The following DLC1 variants were observed in gnomAD, a reference collection of about 807,000 sequenced individuals.
The protein encoded by DLC1 is rho GTPase-activating protein 7.
In DLC1, 54 loss-of-function variants were observed where a neutral mutation model predicts 140.3. The ratio of observed to expected loss-of-function variants is 0.38; its 90% CI spans 0.31 to 0.48. DLC1 has a LOEUF of 0.48. DLC1 is among the 20% of genes least tolerant of loss of function. The pLI, the probability that DLC1 is intolerant of heterozygous loss-of-function variation, is 0.96. For missense variants in DLC1, 2,536 were observed against 1,907.0 expected (o/e 1.33, Z -6.14); for synonymous variants, 986 against 728.1 (o/e 1.35, Z -5.70).
intron 5 of DLC1, among the ~76,000 whole-genome samples, chr8:13,219,134 ATG>A (rs1380753794): frequency 8.2e-6 from 1 of 121,676 alleles, no homozygotes; most frequent in South Asian, 2.5e-4. Flanking sequence ...ATATAATTAT[ATG>A]TGAATATAAT....
intron 5 of DLC1, among the ~76,000 whole-genome samples, chr8:13,193,524 C>G (rs1826877382): frequency 6.6e-6 from 1 of 152,204 alleles, no homozygotes; most frequent in African/African-American, 2.4e-5. Context: ...CCCCTACTCC[C>G]TCCCACCATT....
intron 2 of DLC1, among the ~76,000 whole-genome samples, chr8:13,428,525 C>T (rs1354103959): frequency 6.6e-6 from 1 of 152,166 alleles, no homozygotes; most frequent in East Asian, 1.9e-4. Flanking sequence ...CCAATCATTT[C>T]TCGAACATAT....
At chr8:13,237,351 C>A (rs926415218) in intron 5 of DLC1, among the ~76,000 whole-genome samples, 3 of 150,092 alleles carry the variant, frequency 2.0e-5, no homozygotes, top group Non-Finnish European at 3.0e-5. Context: ...TACACACACA[C>A]ACGTATATAC....
intron 1 of DLC1, among the ~76,000 whole-genome samples, chr8:13,529,743 T>C (rs1457747262): frequency 1.3e-5 from 2 of 152,196 alleles, no homozygotes; most frequent in African/African-American, 2.4e-5. Context: ...GAGACTACTA[T>C]GTTCTAGAAA....
intron 5 of DLC1, among the ~76,000 whole-genome samples, chr8:13,193,780 G>A (rs1478182191): frequency 1.3e-5 from 2 of 152,128 alleles, no homozygotes; most frequent in Non-Finnish European, 1.5e-5. Context: ...ATGCCAACAA[G>A]TTGTAATTAC....
At chr8:13,493,577 C>T (rs990869342) in intron 2 of DLC1, among the ~76,000 whole-genome samples, 1 of 152,100 alleles carries the variant, frequency 6.6e-6, no homozygotes, top group Non-Finnish European at 1.5e-5. Flanking sequence ...CGTTCAATAT[C>T]CTTCTTCTAG....
At position 13,092,606 on chromosome 8, in the gene DLC1, C is replaced by T. The variant is rs1216653597; in HGVS notation, c.3740+6G>A. 1.9e-6 allele frequency: 3 copies of T among 1,613,700 alleles called. No homozygotes were observed. The highest frequency in any genetic ancestry group is 2.5e-6 in the Non-Finnish European group (3 of 1,179,900). On this transcript the variant is annotated splice_donor_region_variant and intron_variant, in intron 13 of 17. Coordinates refer to ENST00000276297, the MANE Select transcript of DLC1 (RefSeq NM_182643.3). Reference sequence around the variant, plus strand: ...TGTGTGCATGCACCTCCCATGCAGCCCGTACCTGGGAGAGGAATTCTCTCT... The same window carrying T: ...TGTGTGCATGCACCTCCCATGCAGCTCGTACCTGGGAGAGGAATTCTCTCT...
intron 4 of DLC1, among the ~76,000 whole-genome samples, chr8:13,378,293 G>C (rs1041857571): frequency 1.3e-4 from 20 of 151,260 alleles, no homozygotes; most frequent in African/African-American, 3.9e-4. Flanking sequence ...TTTCTCATCA[G>C]AGAAGAAAGT....
intron 1 of DLC1, among the ~76,000 whole-genome samples, chr8:13,530,618 G>A (rs1223765078): frequency 6.6e-6 from 1 of 152,134 alleles, no homozygotes; most frequent in Non-Finnish European, 1.5e-5. Flanking sequence ...AACTCTGGGT[G>A]TAACCTAACA....
chr8:13,462,851 G>C (rs1405351231), intron 2 of DLC1, among the ~76,000 whole-genome samples: 1 of 152,162 alleles, frequency 6.6e-6, no homozygotes. Context: ...CTCTCTTCCA[G>C]CAGTGTTTAA....
intron 4 of DLC1, among the ~76,000 whole-genome samples, chr8:13,351,191 A>G (rs963609286): frequency 6.6e-6 from 1 of 152,248 alleles, no homozygotes; most frequent in African/African-American, 2.4e-5. Context: ...TCTGTTCTAT[A>G]CAAGCACAGT....
intron 5 of DLC1, among the ~76,000 whole-genome samples, chr8:13,223,209 C>G (rs1051241578): frequency 1.1e-4 from 17 of 152,218 alleles, no homozygotes; most frequent in African/African-American, 3.4e-4. Flanking sequence ...TATAAAAATC[C>G]TGTCGTAGAG....
At chr8:13,435,876 A>T (rs1463767925) in intron 2 of DLC1, among the ~76,000 whole-genome samples, 2 of 152,188 alleles carry the variant, frequency 1.3e-5, no homozygotes, top group South Asian at 2.1e-4. Context: ...TTTATTGTTG[A>T]CTTATTTTAA....
At chr8:13,601,026 A>G (rs978123772) in intron 1 of DLC1, among the ~76,000 whole-genome samples, 13 of 151,816 alleles carry the variant, frequency 8.6e-5, no homozygotes, top group Non-Finnish European at 1.2e-4. Flanking sequence ...TGAGTCTCAT[A>G]AACTTTTTAA....
At chr8:13,542,263 C>T (rs1458301771) in intron 1 of DLC1, among the ~76,000 whole-genome samples, 2 of 152,094 alleles carry the variant, frequency 1.3e-5, no homozygotes, top group Non-Finnish European at 2.9e-5. Flanking sequence ...TTTTTTTATG[C>T]CTATGTATGT....
intron 1 of DLC1, among the ~76,000 whole-genome samples, chr8:13,569,067 T>C (rs1804553010): frequency 6.6e-6 from 1 of 152,202 alleles, no homozygotes; most frequent in African/African-American, 2.4e-5. Context: ...TCCAAATTTA[T>C]GTAATGAGGA....
intron 16 of DLC1, among the ~76,000 whole-genome samples, chr8:13,087,539 C>T (rs1254733222): frequency 6.6e-6 from 1 of 152,226 alleles, no homozygotes; most frequent in South Asian, 2.1e-4. Flanking sequence ...AGCAGCATTA[C>T]ATGCACGAAG....
chr8:13,100,161 C>T lies in DLC1; in HGVS notation c.2176G>A (p.Val726Ile), dbSNP rs755422865. 2 of 1,614,132 alleles carry T rather than the reference C, an allele frequency of 1.2e-6. No homozygotes were observed. The highest frequency in any genetic ancestry group is 2.2e-5 in the East Asian group (1 of 44,864). ...ACGCTCCTCTTTCGTACCATGGGGA[C>T]GTTGATGCGGTTGCCATTGAGGGCG... is the stretch of plus-strand genomic sequence containing the variant. Reference protein sequence around the residue: ...ISALNGNRINVPMVRKRSVSN... With the variant: ...ISALNGNRINIPMVRKRSVSN... Residue 726 changes from valine to isoleucine, a missense_variant, in exon 9 of 18, where the codon GTC becomes ATC. By Grantham distance (29) the Val-to-Ile change is conservative. Transcript: ENST00000276297.
At chr8:13,288,178 T>A (rs1001895192) in intron 5 of DLC1, among the ~76,000 whole-genome samples, 1 of 152,212 alleles carries the variant, frequency 6.6e-6, no homozygotes, top group African/African-American at 2.4e-5. Flanking sequence ...AAGTTTGTTG[T>A]CAATAGTGAT....
Sources: gnomAD v4.1 joint callset for allele counts (sites outside exome capture counted in the v4.1 genomes callset) on GRCh38, gnomAD v4.1.1 for gene constraint, MANE v1.5 for transcripts, NCBI Gene and HGNC (gene_info 2026-07-23, HGNC 2026-07-21) for gene names.